Variants in XCR1 observed in about 807,000 individuals in gnomAD.
XCR1 encodes X-C motif chemokine receptor 1.
For synonymous variants in XCR1, 187 were observed against 188.5 expected (o/e 0.99, Z 0.06); for missense variants, 356 against 424.2 (o/e 0.84, Z 1.41).
At position 46,021,653 on chromosome 3, in the gene XCR1, C is replaced by T. The variant is rs1575406230; in HGVS notation, c.295G>A (p.Asp99Asn). ...SPYHWGWVLG[D>N]FLCKLLNMIF... ...ATATTGAGGAGTTTGCAGAGGAAGT[C>T]TCCCAGCACCCAGCCCCAGTGGTAT... The change falls in exon 2 of 2, where the codon GAC (aspartate) becomes AAC (asparagine). Residue 99 changes from aspartate (D) to asparagine (N), a missense_variant. Asp to Asn is a conservative substitution (Grantham distance 23). Transcript: ENST00000309285. This position sits in a 1 kb window ranked among gnomAD's most constrained non-coding sequence, Gnocchi z 4.7. 6.2e-7 allele frequency: 1 copy of T among 1,613,964 alleles called. No individual in the cohort carries two copies. The highest frequency in any genetic ancestry group is 8.5e-7 in the Non-Finnish European group (1 of 1,180,000).
chr3:46,020,990 G>A lies in XCR1; in HGVS notation c.958C>T (p.His320Tyr), dbSNP rs1452206895. The A allele has an allele frequency of 1.2e-6, 2 of 1,612,654 alleles. No homozygotes were observed. The highest frequency in any genetic ancestry group is 2.7e-5 in the African/African-American group (2 of 75,018). ...LQAPSPASIP[H>Y]SPGAFAYEGA... ...TCATAGGCGAAGGCACCAGGGGAGT[G>A]GGGGATCGAGGCTGGGCTGGGTGCC... is the stretch of plus-strand genomic sequence containing the variant. The change falls in exon 2 of 2, where the codon CAC becomes TAC. Residue 320 changes from histidine (H) to tyrosine (Y), a missense_variant. Coordinates refer to ENST00000309285, the MANE Select transcript of XCR1 (RefSeq NM_001024644.2).
intron 4 of XCR1, among the ~76,000 whole-genome samples, chr3:46,057,246 T>C (rs1207975051): frequency 1.3e-5 from 2 of 152,202 alleles, no homozygotes; most frequent in Non-Finnish European, 2.9e-5. Flanking sequence ...CATAGGCATA[T>C]GCTACTGCAC....
At chr3:46,038,225 C>A (rs898635867) in intron 5 of XCR1, among the ~76,000 whole-genome samples, 1 of 151,896 alleles carries the variant, frequency 6.6e-6, no homozygotes, top group Non-Finnish European at 1.5e-5. Flanking sequence ...ACTATGTTGG[C>A]CAGGCTTGTC....
intron 5 of XCR1, among the ~76,000 whole-genome samples, chr3:46,035,937 G>A (rs757169782): frequency 1.3e-5 from 2 of 152,066 alleles, no homozygotes; most frequent in Non-Finnish European, 2.9e-5. Flanking sequence ...AGGAATTTTT[G>A]TTTGCAGGTT....
At chr3:46,023,833 A>G in intron 1 of XCR1, 1 of 1,526,794 alleles carries the variant, frequency 6.5e-7, no homozygotes, top group Non-Finnish European at 9.1e-7. Context: ...AGATTTGAAG[A>G]GACGTGTGGA....
intron 4 of XCR1, among the ~76,000 whole-genome samples, chr3:46,066,632 G>A (rs1266080566): frequency 6.6e-6 from 1 of 152,220 alleles, no homozygotes; most frequent in East Asian, 1.9e-4. Flanking sequence ...ACCCAGACCT[G>A]TAGAAACAGA....
chr3:46,071,861 A>G (rs548604768), intron 3 of XCR1, among the ~76,000 whole-genome samples: 4 of 152,264 alleles, frequency 2.6e-5, no homozygotes, highest in Admixed American at 2.0e-4. Flanking sequence ...CTCATACTGA[A>G]CGGTGGAAAG....
chr3:46,061,579 C>T (rs1275764835), intron 4 of XCR1, among the ~76,000 whole-genome samples: 1 of 152,212 alleles, frequency 6.6e-6, no homozygotes, highest in Non-Finnish European at 1.5e-5. Flanking sequence ...TGGGATGTTG[C>T]TCAACTTCCT....
At position 46,021,759 on chromosome 3, in the gene XCR1, C is replaced by A; in HGVS notation, c.189G>T (p.Glu63Asp). Residue 63 changes from glutamate (E) to aspartate (D), a missense_variant, in exon 2 of 2, where the codon GAG becomes GAT. Transcript: ENST00000309285. The surrounding 1 kb of genome is among the most constrained non-coding windows in gnomAD (Gnocchi z 4.7). ...LWVLVKYESLESLTNIFILNL... is the reference protein window; with the variant it reads ...LWVLVKYESLDSLTNIFILNL... ...TGAGGATGAAGATGTTGGTGAGGGACTCCAGGCTCTCATACTTCACCAGGA... is the reference window on the plus strand; with the variant it reads ...TGAGGATGAAGATGTTGGTGAGGGAATCCAGGCTCTCATACTTCACCAGGA... 6.2e-7 allele frequency: 1 copy of A among 1,614,100 alleles called. No homozygotes were observed. Among genetic ancestry groups the A allele is most frequent in the Non-Finnish European group, 8.5e-7 (1 of 1,180,020 alleles).
chr3:46,036,504 T>C (rs1697433691), intron 5 of XCR1, among the ~76,000 whole-genome samples: 1 of 152,242 alleles, frequency 6.6e-6, no homozygotes, highest in Non-Finnish European at 1.5e-5. Flanking sequence ...AACTCATAAA[T>C]TAAGTAAGCC....
chr3:46,042,941 A>G (rs1441152479), intron 5 of XCR1, among the ~76,000 whole-genome samples: 1 of 152,230 alleles, frequency 6.6e-6, no homozygotes, highest in Admixed American at 6.5e-5. Flanking sequence ...AGCAAGCTGA[A>G]TTCAACAACA....
chr3:46,073,881 A>C (rs1698206159), intron 3 of XCR1, among the ~76,000 whole-genome samples: 1 of 151,986 alleles, frequency 6.6e-6, no homozygotes, highest in African/African-American at 2.4e-5. Flanking sequence ...ACATGATACC[A>C]TCTTACACCA....
At chr3:46,059,162 A>G (rs1164782827) in intron 4 of XCR1, among the ~76,000 whole-genome samples, 2 of 152,236 alleles carry the variant, frequency 1.3e-5, no homozygotes, top group Non-Finnish European at 2.9e-5. Context: ...ATATACCTAT[A>G]GAGCTGATTC....
At chr3:46,071,502 A>G (rs982494688) in intron 3 of XCR1, among the ~76,000 whole-genome samples, 3 of 152,164 alleles carry the variant, frequency 2.0e-5, no homozygotes, top group East Asian at 1.9e-4. Flanking sequence ...CAAGGATACA[A>G]GAAGAAAAGA....
At chr3:46,074,327 G>A (rs900713048) in intron 3 of XCR1, among the ~76,000 whole-genome samples, 1 of 145,896 alleles carries the variant, frequency 6.9e-6, no homozygotes, top group African/African-American at 2.6e-5. Context: ...AGGCTCAAGT[G>A]ATAGAGGTCA....
At chr3:46,079,096 GGGCCTT>G (rs1698312219) in intron 1 of XCR1, among the ~76,000 whole-genome samples, 2 of 152,144 alleles carry the variant, frequency 1.3e-5, no homozygotes, top group East Asian at 3.9e-4. Flanking sequence ...AACACATCCT[GGGCCTT>G]GGTCATTTTT....
At chr3:46,041,227 C>T (rs1415958212) in intron 5 of XCR1, among the ~76,000 whole-genome samples, 1 of 152,086 alleles carries the variant, frequency 6.6e-6, no homozygotes, top group African/African-American at 2.4e-5. Context: ...TATAATGGGA[C>T]ACAGTTGGAG....
At chr3:46,060,166 TAACATAGCTGTATCTATTTATAG>T (rs1004472969) in intron 4 of XCR1, among the ~76,000 whole-genome samples, 13 of 152,248 alleles carry the variant, frequency 8.5e-5, no homozygotes, top group Admixed American at 8.5e-4. Flanking sequence ...GCTGTTTATA[TAACATAGCTGTATCTATTTATAG>T]ATACCTTCTT....
chr3:46,048,207 C>A (rs1575423993), intron 5 of XCR1, among the ~76,000 whole-genome samples: 2 of 152,218 alleles, frequency 1.3e-5, no homozygotes, highest in South Asian at 4.1e-4. Flanking sequence ...GATCCTGGAG[C>A]CCACTCTCCC....
Sources: allele counts gnomAD v4.1 joint callset (sites outside exome capture counted in the v4.1 genomes callset), GRCh38; gene constraint gnomAD v4.1.1; non-coding constraint Gnocchi (gnomAD v3.1); transcripts MANE v1.5; gene names NCBI Gene and HGNC (gene_info 2026-07-23, HGNC 2026-07-21).